The following NEK11 variants were observed in gnomAD, a reference collection of about 807,000 sequenced individuals.
The protein encoded by NEK11 is NIMA related kinase 11, also known as serine/threonine-protein kinase Nek11.
A neutral mutation model predicts 80.7 loss-of-function variants in NEK11; 72 were observed. The observed-to-expected ratio is 0.89, with a 90% CI of 0.74 to 1.08. The LOEUF (loss-of-function observed/expected upper bound fraction) is 1.08, where lower values mean the gene tolerates loss of function less well. Ranked by LOEUF, NEK11 falls within the 50% of genes least tolerant of loss-of-function variation. NEK11 has a pLI of 0.00. For missense variants in NEK11, 764 were observed against 763.6 expected (o/e 1.00, Z -0.01); for synonymous variants, 251 against 260.7 (o/e 0.96, Z 0.36).
At chr3:131,331,370 T>A (rs1246679816) in intron 17 of NEK11, among the ~76,000 whole-genome samples, 7 of 152,230 alleles carry the variant, frequency 4.6e-5, no homozygotes, top group Non-Finnish European at 8.8e-5. Context: ...ATTTGGGGGC[T>A]TGAGTAATGA....
intron 17 of NEK11, among the ~76,000 whole-genome samples, chr3:131,336,023 C>A (rs1347272386): frequency 6.6e-6 from 1 of 152,150 alleles, no homozygotes; most frequent in Non-Finnish European, 1.5e-5. Flanking sequence ...GAATCAATAT[C>A]ATGAAAACGG....
intron 17 of NEK11, among the ~76,000 whole-genome samples, chr3:131,328,012 G>T (rs1197501178): frequency 1.3e-5 from 2 of 151,862 alleles, no homozygotes; most frequent in Non-Finnish European, 2.9e-5. Context: ...AGCCAAGCAT[G>T]GTGCCTCATG....
chr3:131,051,983 A>T (rs1044283250), intron 3 of NEK11, among the ~76,000 whole-genome samples: 15 of 152,162 alleles, frequency 9.9e-5, no homozygotes, highest in Non-Finnish European at 1.8e-4. Context: ...TTGAGTTCTC[A>T]TCCTCTTCCC....
intron 14 of NEK11, among the ~76,000 whole-genome samples, chr3:131,213,602 T>C (rs948103893): frequency 6.6e-6 from 1 of 152,144 alleles, no homozygotes; most frequent in African/African-American, 2.4e-5. Context: ...TTAGTTAGAA[T>C]CTTACTTTTT....
intron 2 of NEK11, among the ~76,000 whole-genome samples, chr3:131,028,300 G>A (rs758582295): frequency 3.9e-5 from 6 of 152,136 alleles, no homozygotes; most frequent in Admixed American, 6.6e-5. Context: ...AGTTTTTGTG[G>A]TTGACGGACA....
At chr3:131,099,847 A>G (rs545320435) in intron 4 of NEK11, among the ~76,000 whole-genome samples, 3 of 152,200 alleles carry the variant, frequency 2.0e-5, no homozygotes, top group Admixed American at 1.3e-4. Flanking sequence ...AAAATTGTTT[A>G]TCACTTCTAA....
intron 14 of NEK11, among the ~76,000 whole-genome samples, chr3:131,226,997 A>G (rs1164497309): frequency 6.6e-6 from 1 of 151,754 alleles, no homozygotes; most frequent in Non-Finnish European, 1.5e-5. Flanking sequence ...CTTCTCCATA[A>G]CAGTATTCTA....
At chr3:131,106,766 C>T (rs2079244363) in intron 4 of NEK11, among the ~76,000 whole-genome samples, 1 of 151,852 alleles carries the variant, frequency 6.6e-6, no homozygotes, top group Non-Finnish European at 1.5e-5. Context: ...TTGGCAATAC[C>T]ATAAAGAAAA....
intron 4 of NEK11, among the ~76,000 whole-genome samples, chr3:131,103,452 G>T (rs890033368): frequency 6.6e-6 from 1 of 152,186 alleles, no homozygotes; most frequent in Admixed American, 6.5e-5. Context: ...TTTTGTTGTT[G>T]TAGTTTGGGC....
chr3:131,262,188 A>G (rs148198323), intron 16 of NEK11, among the ~76,000 whole-genome samples: 77 of 152,300 alleles, frequency 5.1e-4, no homozygotes, highest in Non-Finnish European at 1.0e-3. Flanking sequence ...GATGAAATGG[A>G]CAAATTTCTA....
intron 17 of NEK11, among the ~76,000 whole-genome samples, chr3:131,337,797 C>A (rs979841297): frequency 6.6e-6 from 1 of 152,078 alleles, no homozygotes; most frequent in East Asian, 1.9e-4. Flanking sequence ...ATCTGAACCC[C>A]CCCTCCATGT....
chr3:131,123,481 T>C (rs1005561721), intron 5 of NEK11, among the ~76,000 whole-genome samples: 4 of 152,168 alleles, frequency 2.6e-5, no homozygotes, highest in Admixed American at 6.5e-5. Flanking sequence ...AATTTTTCAA[T>C]AGATATTTAG....
intron 3 of NEK11, among the ~76,000 whole-genome samples, chr3:131,070,245 C>G (rs2148910772): frequency 6.6e-6 from 1 of 152,238 alleles, no homozygotes; most frequent in East Asian, 1.9e-4. Context: ...CTTATGTTAT[C>G]AATATTTATT....
intron 3 of NEK11, among the ~76,000 whole-genome samples, chr3:131,061,372 G>T (rs2148814070): frequency 6.6e-6 from 1 of 152,226 alleles, no homozygotes; most frequent in Non-Finnish European, 1.5e-5. Context: ...TCTTGCATTG[G>T]GTAGAATGTA....
chr3:131,046,143 A>C (rs190173164), intron 3 of NEK11, among the ~76,000 whole-genome samples: 1 of 152,122 alleles, frequency 6.6e-6, no homozygotes, highest in East Asian at 1.9e-4. Context: ...TCTATTCCTT[A>C]TGCGGTTTGT....
intron 17 of NEK11, among the ~76,000 whole-genome samples, chr3:131,320,281 T>A (rs1317854874): frequency 1.3e-5 from 2 of 152,130 alleles, no homozygotes; most frequent in East Asian, 3.8e-4. Context: ...GAGAAAATGG[T>A]TTCCTGCTTA....
intron 3 of NEK11, among the ~76,000 whole-genome samples, chr3:131,056,632 A>G (rs1380400446): frequency 6.7e-6 from 1 of 148,216 alleles, no homozygotes; most frequent in Non-Finnish European, 1.5e-5. Context: ...GAAACACACA[A>G]TGTTTGAAAC....
At chr3:131,221,670 A>T (rs1040495493) in intron 14 of NEK11, among the ~76,000 whole-genome samples, 17 of 152,192 alleles carry the variant, frequency 1.1e-4, no homozygotes, top group African/African-American at 3.6e-4. Flanking sequence ...ACTCTTTTTT[A>T]AAAAAATTGT....
intron 3 of NEK11, among the ~76,000 whole-genome samples, chr3:131,034,773 T>C (rs1306299168): frequency 6.6e-6 from 1 of 152,216 alleles, no homozygotes; most frequent in African/African-American, 2.4e-5. Flanking sequence ...CTTCAGGTGC[T>C]TCCAGTCCGG....
Sources: gnomAD v4.1 joint callset for allele counts (sites outside exome capture counted in the v4.1 genomes callset) on GRCh38, gnomAD v4.1.1 for gene constraint, MANE v1.5 for transcripts, NCBI Gene and HGNC (gene_info 2026-07-23, HGNC 2026-07-21) for gene names.